Variants in XDH observed in about 807,000 individuals in gnomAD.
The protein encoded by XDH is xanthine dehydrogenase.
XDH carries 138 observed loss-of-function variants against 156.1 expected under a neutral mutation model. The observed-to-expected ratio is 0.88, with a 90% CI of 0.77 to 1.02. The LOEUF is 1.02. Ranked by LOEUF, XDH falls within the 50% of genes least tolerant of loss-of-function variation. The pLI is 0.00. For synonymous variants in XDH, 669 were observed against 625.7 expected (o/e 1.07, Z -1.03); for missense variants, 1,849 against 1,684.9 (o/e 1.10, Z -1.71).
In XDH at chr2:31,347,602, C is replaced by T. The variant is rs766553161; in HGVS notation, c.3196G>A (p.Glu1066Lys). Residue 1066 changes from glutamate (E) to lysine (K), a missense_variant, in exon 29 of 36, where the codon GAG becomes AAG. By Grantham distance (56) the Glu-to-Lys change is moderately conservative. Transcript: ENST00000379416. ...KIPTSKIYIS[E>K]TSTNTVPNTS... ...TTGGGCACAGTGTTAGTGCTTGTCT[C>T]GCTGATATAAATCTTAGAGGTGGGG... The T allele has an allele frequency of 4.3e-6, 7 of 1,614,120 alleles. No homozygotes were observed. Among genetic ancestry groups the T allele is most frequent in the South Asian group, 2.2e-5 (2 of 91,068 alleles).
chr2:31,388,516 G>A (rs45464797), intron 6 of XDH, among the ~76,000 whole-genome samples: 52 of 152,268 alleles, frequency 3.4e-4, no homozygotes, highest in African/African-American at 1.2e-3. Context: ...AAACAAATAG[G>A]AGCAACAAGG....
At chr2:31,341,475 A>G in intron 32 of XDH, 81 bp from the exon 33 acceptor site, 2 of 1,426,204 alleles carry the variant, frequency 1.4e-6, no homozygotes, top group Non-Finnish European at 1.9e-6. Flanking sequence ...AGTGACCCTC[A>G]GACTACAAGT....
At chr2:31,413,874 CCT>C (rs985968749) in intron 1 of XDH, among the ~76,000 whole-genome samples, 2 of 151,996 alleles carry the variant, frequency 1.3e-5, no homozygotes, top group African/African-American at 2.4e-5. Flanking sequence ...ATGCTTGCCC[CCT>C]CTCTCTCTGC....
At position 31,401,246 on chromosome 2, in the gene XDH, T is replaced by C. The variant is rs759653817; in HGVS notation, c.280A>G (p.Thr94Ala). 6.2e-7 allele frequency: 1 copy of C among 1,614,164 alleles called. No individual in the cohort carries two copies. The part of the protein sequence containing the change: ...AVTTVEGIGS[T>A]KTRLHPVQER... ...TGCACAGGATGCAGCCTCGTCTTGGTGCTTCCTATTCCTTCCACAGTTGTC... is the reference window on the plus strand; with the variant it reads ...TGCACAGGATGCAGCCTCGTCTTGGCGCTTCCTATTCCTTCCACAGTTGTC... The change falls in exon 4 of 36, where the codon ACC becomes GCC. Residue 94 changes from threonine (T) to alanine (A), a missense_variant. Transcript: ENST00000379416.
intron 24 of XDH, among the ~76,000 whole-genome samples, chr2:31,362,481 G>A (rs935788017): frequency 2.6e-5 from 4 of 152,004 alleles, no homozygotes; most frequent in African/African-American, 9.7e-5. Context: ...AAACTAAATT[G>A]GTATTTTATT....
intron 17 of XDH, among the ~76,000 whole-genome samples, chr2:31,370,778 T>A (rs1471678851): frequency 6.6e-6 from 1 of 152,036 alleles, no homozygotes. Flanking sequence ...GGTGGGAGGA[T>A]CACTTGAGCC....
intron 4 of XDH, among the ~76,000 whole-genome samples, chr2:31,400,757 A>G (rs180827044): frequency 2.0e-5 from 3 of 152,380 alleles, no homozygotes; most frequent in Admixed American, 2.0e-4. Context: ...CTAGCAGTTT[A>G]CATTTGTACT....
chr2:31,412,569 CAT>C (rs1687370476), intron 1 of XDH, among the ~76,000 whole-genome samples: 1 of 152,070 alleles, frequency 6.6e-6, no homozygotes, highest in African/African-American at 2.4e-5. Context: ...CAACATGGCA[CAT>C]GTGTACATAT....
intron 21 of XDH, among the ~76,000 whole-genome samples, chr2:31,366,323 C>G (rs1283360135): frequency 1.3e-5 from 2 of 152,158 alleles, no homozygotes; most frequent in African/African-American, 4.8e-5. Flanking sequence ...AGCAGTTGGT[C>G]ACAGAATACT....
chr2:31,393,165 G>C (rs75968466), intron 6 of XDH, among the ~76,000 whole-genome samples: 2 of 152,172 alleles, frequency 1.3e-5, no homozygotes, highest in Non-Finnish European at 2.9e-5. Context: ...TGATGGTGCC[G>C]TTGAGTCCAA....
chr2:31,362,610 T>G (rs1410938468), intron 24 of XDH, among the ~76,000 whole-genome samples: 2 of 152,198 alleles, frequency 1.3e-5, no homozygotes, highest in African/African-American at 4.8e-5. Flanking sequence ...CTAAAGTAAT[T>G]TACTAAAATT....
chr2:31,381,837 A>T (rs1292159433), intron 11 of XDH, 111 bp from the exon 12 acceptor site: 4 of 948,768 alleles, frequency 4.2e-6, no homozygotes, highest in African/African-American at 1.6e-5. Flanking sequence ...CAAACCCCTG[A>T]GGTCCTGTGC....
intron 23 of XDH, among the ~76,000 whole-genome samples, chr2:31,365,229 C>T (rs1334824631): frequency 1.3e-5 from 2 of 152,198 alleles, no homozygotes; most frequent in African/African-American, 2.4e-5. Context: ...ACAGCAAATC[C>T]ACAGAAGTCA....
rs45526241 is a variant in XDH at position 31,413,832 on chromosome 2, G to A, written c.42+793C>T. Reference sequence around the variant, plus strand: ...GTATGAGCATCTCAGCAGTGTTGTAGGAGGGCAAATGGAGGCTAGTGACCA... The same window carrying A: ...GTATGAGCATCTCAGCAGTGTTGTAAGAGGGCAAATGGAGGCTAGTGACCA... On this transcript the variant is annotated intron_variant, in intron 1 of 35. Transcript: ENST00000379416. 1.8e-3 allele frequency among the ~76,000 whole-genome samples: 267 copies of A among 152,226 alleles called. 1 individual carries two copies. Among genetic ancestry groups the A allele is most frequent in the African/African-American group, 6.1e-3 (254 of 41,526 alleles).
chr2:31,349,581 T>TCATAAGTTATC lies in XDH; in HGVS notation c.2969+94_2969+104dup, dbSNP rs1572517162. The TCATAAGTTATC allele has an allele frequency of 3.3e-6, 5 of 1,522,558 alleles. No individual in the cohort carries two copies. In the East Asian group the frequency reaches 1.1e-4, roughly 34 times the overall value. 94.3% of individuals were successfully genotyped at this position (1,522,558 alleles called of 1,614,324 possible). ...GAATGAGTTGGCAAACTCAGCAGTC[T>TCATAAGTTATC]CATAAGTTATCCATTGAATTATTAG... On this transcript the variant is annotated intron_variant, in intron 26 of 35. Transcript: ENST00000379416.
In XDH at chr2:31,387,908, A is replaced by G; in HGVS notation, c.565-11T>C. The G allele has an allele frequency of 6.4e-7, 1 of 1,571,366 alleles. No homozygotes were observed. Reference sequence around the variant, plus strand: ...TGGCGAGAGGCTGACCTATGGGGAAAGAGAACAGGTAGGTGATGCAGTATC... The same window carrying G: ...TGGCGAGAGGCTGACCTATGGGGAAGGAGAACAGGTAGGTGATGCAGTATC... On this transcript the variant is annotated splice_polypyrimidine_tract_variant and intron_variant, in intron 7 of 35. Coordinates refer to ENST00000379416, the MANE Select transcript of XDH (RefSeq NM_000379.4).
At chr2:31,380,117 G>A (rs1463235525) in intron 12 of XDH, 141 bp from the exon 13 acceptor site, 3 of 793,938 alleles carry the variant, frequency 3.8e-6, no homozygotes, top group African/African-American at 1.7e-5. Flanking sequence ...GCACAATTGG[G>A]GCCAAATCCT....
Position 31,367,879 on chromosome 2 carries a change from T to C in XDH, c.2197+82A>G, listed in dbSNP as rs1363527152. ...AAATGTCCAGAAATCACTTCCCTGCTTCAGGGTTCAATGCATATCTCTTGA... is the reference window on the plus strand; with the variant it reads ...AAATGTCCAGAAATCACTTCCCTGCCTCAGGGTTCAATGCATATCTCTTGA... On this transcript the variant is annotated intron_variant, in intron 20 of 35. Coordinates refer to ENST00000379416, the MANE Select transcript of XDH (RefSeq NM_000379.4). 4 of 1,334,044 alleles carry C rather than the reference T, an allele frequency of 3.0e-6. No homozygotes were observed. The African/African-American group carries it at 4.3e-5, about 14-fold the overall frequency. The allele number at this position is 1,334,044 out of a possible 1,614,324, so 82.6% of individuals were successfully genotyped here.
At chr2:31,345,073 T>C (rs1000902491) in intron 30 of XDH, among the ~76,000 whole-genome samples, 3 of 152,166 alleles carry the variant, frequency 2.0e-5, no homozygotes, top group African/African-American at 2.4e-5. Context: ...GTAGAGCAAA[T>C]GCCTGATGTT....
Sources: gnomAD v4.1 joint callset for allele counts (sites outside exome capture counted in the v4.1 genomes callset) on GRCh38, gnomAD v4.1.1 for gene constraint, MANE v1.5 for transcripts, NCBI Gene and HGNC (gene_info 2026-07-23, HGNC 2026-07-21) for gene names.